SCFD2: variants seen among roughly 807,000 people sequenced by gnomAD.
SCFD2 encodes sec1 family domain containing 2.
SCFD2 carries 54 observed loss-of-function variants against 58.9 expected under a neutral mutation model. That is an observed-to-expected ratio of 0.92 (90% CI 0.74 to 1.15). The LOEUF (loss-of-function observed/expected upper bound fraction) is 1.15, where lower values mean the gene tolerates loss of function less well. Among genes scored for constraint, SCFD2 ranks in the 50% most tolerant of loss-of-function variants. SCFD2 has a pLI of 0.00. For missense variants in SCFD2, 805 were observed against 836.6 expected, an observed-to-expected ratio of 0.96 and a Z score of 0.47; for synonymous variants, 321 against 335.9, an observed-to-expected ratio of 0.96 and a Z score of 0.49.
At chr4:53,275,643 C>G (rs1731304626) in intron 3 of SCFD2, among the ~76,000 whole-genome samples, 1 of 152,184 alleles carries the variant, frequency 6.6e-6, no homozygotes. Flanking sequence ...TCATTCCAAA[C>G]AGCTCCCCTT....
chr4:52,900,642 G>C (rs1319894344), intron 7 of SCFD2, among the ~76,000 whole-genome samples: 1 of 152,218 alleles, frequency 6.6e-6, no homozygotes, highest in East Asian at 1.9e-4. Context: ...GCTGCGTGCT[G>C]GGAGAACCAC....
At chr4:53,298,413 A>C (rs1304417704) in intron 3 of SCFD2, among the ~76,000 whole-genome samples, 1 of 152,186 alleles carries the variant, frequency 6.6e-6, no homozygotes, top group East Asian at 1.9e-4. Context: ...CGCCCACCAT[A>C]GCTCAGGCTT....
chr4:53,238,057 C>T (rs1195211859), intron 4 of SCFD2, among the ~76,000 whole-genome samples: 35 of 127,298 alleles, frequency 2.7e-4, no homozygotes, highest in South Asian at 5.0e-4. Context: ...GGGGGGCTGA[C>T]CCCCCCACCT....
At chr4:53,352,577 G>T in intron 2 of SCFD2, 21 bp downstream of exon 2, 1 of 1,576,858 alleles carries the variant, frequency 6.3e-7, no homozygotes, top group South Asian at 1.1e-5. Flanking sequence ...AAGATAAGAT[G>T]ACAAAAACTA....
At chr4:53,315,916 G>A (rs772709346) in intron 2 of SCFD2, among the ~76,000 whole-genome samples, 21 of 152,018 alleles carry the variant, frequency 1.4e-4, no homozygotes, top group Non-Finnish European at 2.4e-4. Flanking sequence ...TATGGACTCC[G>A]CAGTCAGATA....
intron 5 of SCFD2, among the ~76,000 whole-genome samples, chr4:53,099,739 T>G (rs960666976): frequency 1.3e-5 from 2 of 152,170 alleles, no homozygotes; most frequent in African/African-American, 4.8e-5. Flanking sequence ...GGCATTAGTC[T>G]TATTCATGAG....
chr4:52,993,429 T>G (rs1392705924), intron 5 of SCFD2, among the ~76,000 whole-genome samples: 1 of 152,212 alleles, frequency 6.6e-6, no homozygotes, highest in East Asian at 1.9e-4. Flanking sequence ...AAGTATGTTT[T>G]TTAATTTAAT....
intron 2 of SCFD2, among the ~76,000 whole-genome samples, chr4:53,334,077 C>T (rs2149136451): frequency 6.6e-6 from 1 of 152,182 alleles, no homozygotes; most frequent in Admixed American, 6.5e-5. Flanking sequence ...GTTAGAATGG[C>T]AATCATTAAA....
At chr4:53,184,167 C>T (rs1182790353) in intron 4 of SCFD2, among the ~76,000 whole-genome samples, 1 of 152,096 alleles carries the variant, frequency 6.6e-6, no homozygotes, top group East Asian at 1.9e-4. Flanking sequence ...ATTCAATTTT[C>T]CTTACATCAT....
intron 4 of SCFD2, among the ~76,000 whole-genome samples, chr4:53,243,472 G>GA (rs1450217138): frequency 2.0e-5 from 3 of 151,762 alleles, no homozygotes; most frequent in South Asian, 2.1e-4. Context: ...AAGAATATCT[G>GA]AAAAAAACAC....
intron 3 of SCFD2, among the ~76,000 whole-genome samples, chr4:53,276,182 T>C (rs1415204221): frequency 1.3e-5 from 2 of 148,694 alleles, no homozygotes; most frequent in Non-Finnish European, 3.0e-5. Context: ...TCAGAAAGCA[T>C]ATCAACAGTG....
intron 5 of SCFD2, among the ~76,000 whole-genome samples, chr4:53,110,568 A>G (rs916503215): frequency 5.3e-5 from 8 of 151,398 alleles, no homozygotes; most frequent in African/African-American, 1.9e-4. Flanking sequence ...CAACCCCATC[A>G]AAAAGTGGGT....
At chr4:52,959,117 T>C (rs1004323600) in intron 5 of SCFD2, among the ~76,000 whole-genome samples, 4 of 152,276 alleles carry the variant, frequency 2.6e-5, no homozygotes, top group African/African-American at 9.6e-5. Flanking sequence ...CTTGAGTCCA[T>C]ATGTTTAACC....
chr4:53,035,052 T>A (rs1241578879), intron 5 of SCFD2, among the ~76,000 whole-genome samples: 1 of 152,204 alleles, frequency 6.6e-6, no homozygotes, highest in Non-Finnish European at 1.5e-5. Context: ...CCTGGAGGCA[T>A]CACGCTACCT....
At chr4:52,887,893 ATTCTT>A (rs1221140603) in intron 7 of SCFD2, among the ~76,000 whole-genome samples, 2 of 119,910 alleles carry the variant, frequency 1.7e-5, no homozygotes, top group East Asian at 4.9e-4. Flanking sequence ...TCAACATCTT[ATTCTT>A]TTTTTTTTTT....
chr4:53,257,792 T>C (rs950232936), intron 4 of SCFD2, among the ~76,000 whole-genome samples: 1 of 152,182 alleles, frequency 6.6e-6, no homozygotes, highest in African/African-American at 2.4e-5. Context: ...ATCATAGTTT[T>C]TTTTAGATTT....
chr4:53,078,487 T>A (rs1409374992), intron 5 of SCFD2, among the ~76,000 whole-genome samples: 1 of 152,224 alleles, frequency 6.6e-6, no homozygotes, highest in Non-Finnish European at 1.5e-5. Flanking sequence ...AAGTGTGCAA[T>A]GTGTGCCTTT....
chr4:53,325,052 T>C (rs1258008521), intron 2 of SCFD2, among the ~76,000 whole-genome samples: 1 of 152,130 alleles, frequency 6.6e-6, no homozygotes, highest in Non-Finnish European at 1.5e-5. Flanking sequence ...AGGCCCTCTA[T>C]CTCCAACCCT....
intron 4 of SCFD2, among the ~76,000 whole-genome samples, chr4:53,255,929 C>T (rs1178088198): frequency 3.4e-5 from 5 of 147,892 alleles, no homozygotes; most frequent in African/African-American, 7.4e-5. Context: ...GGCAGAGGCG[C>T]CCCTCACCTC....
Sources: gnomAD v4.1 joint callset for allele counts (sites outside exome capture counted in the v4.1 genomes callset) on GRCh38, gnomAD v4.1.1 for gene constraint, MANE v1.5 for transcripts, NCBI Gene and HGNC (gene_info 2026-07-23, HGNC 2026-07-21) for gene names.